TMEFF2: variants seen among roughly 807,000 people sequenced by gnomAD.
TMEFF2 encodes transmembrane protein with EGF like and two follistatin like domains 2.
TMEFF2 carries 28 observed loss-of-function variants against 53.8 expected under a neutral mutation model. That is an observed-to-expected ratio of 0.52 (90% CI 0.39 to 0.71). The LOEUF is 0.71. Among genes scored for constraint, TMEFF2 ranks in the 30% least tolerant of loss-of-function variants. The pLI, the probability that TMEFF2 is intolerant of heterozygous loss-of-function variation, is 0.00. For synonymous variants in TMEFF2, 162 were observed against 166.3 expected (o/e 0.97, Z 0.20); for missense variants, 353 against 455.2 (o/e 0.78, Z 2.04).
chr2:192,116,956 T>C (rs1360291671), intron 4 of TMEFF2, among the ~76,000 whole-genome samples: 2 of 152,064 alleles, frequency 1.3e-5, no homozygotes, highest in African/African-American at 4.8e-5. Flanking sequence ...CTTATTTATA[T>C]AGCTATTTTT....
chr2:191,965,178 A>G (rs534983918), intron 7 of TMEFF2, among the ~76,000 whole-genome samples: 35 of 152,178 alleles, frequency 2.3e-4, no homozygotes, highest in African/African-American at 7.7e-4. Context: ...ATGGAGTTTC[A>G]TATCTATATA....
rs111786296 is a variant in TMEFF2, at chr2:192,102,939, A to ATT, written c.440-45166_440-45165dup. ...GTAGTTGATCCCTAAAATGAAACTC[A>ATT]TTTTTTTTTTCTATGAGCATTCCGT... is the stretch of plus-strand genomic sequence containing the variant. On this transcript the variant is annotated intron_variant, in intron 4 of 9. Coordinates refer to ENST00000272771, the MANE Select transcript of TMEFF2 (RefSeq NM_016192.4). 3.4e-3 allele frequency among the ~76,000 whole-genome samples: 509 copies of ATT among 148,168 alleles called. 2 individuals are homozygous for ATT. The highest frequency in any genetic ancestry group is 0.011 in the African/African-American group (460 of 40,372).
At chr2:192,112,574 G>A (rs1226487966) in intron 4 of TMEFF2, among the ~76,000 whole-genome samples, 1 of 152,174 alleles carries the variant, frequency 6.6e-6, no homozygotes, top group African/African-American at 2.4e-5. Flanking sequence ...CTGGGCTTCT[G>A]AGTTAATGCT....
intron 4 of TMEFF2, among the ~76,000 whole-genome samples, chr2:192,078,915 C>G (rs999929566): frequency 6.6e-6 from 1 of 152,178 alleles, no homozygotes; most frequent in Non-Finnish European, 1.5e-5. Flanking sequence ...TCTATTCCTA[C>G]TAATGGGATA....
At chr2:192,069,980 GTGTGTGTGTATATATATATATA>G (rs1198983252) in intron 4 of TMEFF2, among the ~76,000 whole-genome samples, 7 of 8,200 alleles carry the variant, frequency 8.5e-4, no homozygotes, top group Non-Finnish European at 1.5e-3. Context: ...GTGTGTGTGT[GTGTGTGTGTATATATATATATA>G]TATATATATA....
intron 4 of TMEFF2, among the ~76,000 whole-genome samples, chr2:192,170,833 G>A (rs1330912452): frequency 2.0e-5 from 3 of 152,042 alleles, no homozygotes; most frequent in Admixed American, 6.6e-5. Context: ...TTGACTCATT[G>A]AGCCAGGATG....
intron 5 of TMEFF2, among the ~76,000 whole-genome samples, chr2:192,011,119 A>G (rs1174949620): frequency 6.6e-6 from 1 of 152,178 alleles, no homozygotes; most frequent in Admixed American, 6.5e-5. Context: ...AGATTAAGTG[A>G]CTATAGCTAC....
chr2:192,176,686 T>C (rs1265483223), intron 4 of TMEFF2: 1 of 151,218 alleles, frequency 6.6e-6, no homozygotes, highest in East Asian at 1.9e-4. Context: ...AAAACCTTTA[T>C]GTCCCTTTTA....
chr2:192,050,173 T>C (rs2105895543), intron 5 of TMEFF2, among the ~76,000 whole-genome samples: 1 of 152,366 alleles, frequency 6.6e-6, no homozygotes, highest in Non-Finnish European at 1.5e-5. Flanking sequence ...CTGCATGGCC[T>C]AATAAATATT....
At chr2:192,183,301 T>G (rs1463398454) in intron 3 of TMEFF2, among the ~76,000 whole-genome samples, 2 of 152,028 alleles carry the variant, frequency 1.3e-5, no homozygotes, top group Non-Finnish European at 2.9e-5. Flanking sequence ...TAAGATAATC[T>G]TTTAAAGAAT....
At chr2:191,975,541 T>TG (rs1307670112) in intron 7 of TMEFF2, among the ~76,000 whole-genome samples, 1 of 151,872 alleles carries the variant, frequency 6.6e-6, no homozygotes, top group Non-Finnish European at 1.5e-5. Flanking sequence ...GGCAATTTTT[T>TG]TCTATCATAA....
At chr2:192,096,999 T>C (rs985211333) in intron 4 of TMEFF2, among the ~76,000 whole-genome samples, 1 of 152,148 alleles carries the variant, frequency 6.6e-6, no homozygotes, top group Non-Finnish European at 1.5e-5. Context: ...TTTCTTAGTA[T>C]TTAATGTGCT....
intron 7 of TMEFF2, among the ~76,000 whole-genome samples, chr2:191,968,903 GT>G: frequency 6.6e-6 from 1 of 152,064 alleles, no homozygotes; most frequent in East Asian, 1.9e-4. Context: ...AATAAATTGA[GT>G]TTTTGGTAAA....
At chr2:192,076,509 A>G (rs1437087618) in intron 4 of TMEFF2, among the ~76,000 whole-genome samples, 1 of 152,188 alleles carries the variant, frequency 6.6e-6, no homozygotes, top group Non-Finnish European at 1.5e-5. Context: ...ACCAACACTT[A>G]CTAAACACGT....
chr2:192,010,418 T>C (rs13025214), intron 5 of TMEFF2, among the ~76,000 whole-genome samples: 60,437 of 152,014 alleles, frequency 0.4, 12,049 homozygotes, highest in African/African-American at 0.41. Context: ...ATATTAAGCT[T>C]TAAAAAGTAA....
chr2:192,023,881 C>T (rs1686913555), intron 5 of TMEFF2, among the ~76,000 whole-genome samples: 1 of 152,092 alleles, frequency 6.6e-6, no homozygotes, highest in Non-Finnish European at 1.5e-5. Context: ...TAGCAACTTT[C>T]ATTGAGTAAA....
chr2:192,108,639 A>G (rs549251145), intron 4 of TMEFF2, among the ~76,000 whole-genome samples: 2 of 151,982 alleles, frequency 1.3e-5, no homozygotes, highest in African/African-American at 4.8e-5. Flanking sequence ...AAAGAGTTTG[A>G]TGGTTCCTCA....
At chr2:191,956,421 G>T (rs752281876) in intron 7 of TMEFF2, 43 bp from the exon 8 acceptor site, 34 of 1,594,044 alleles carry the variant, frequency 2.1e-5, no homozygotes, top group Non-Finnish European at 2.8e-5. Context: ...TAAATACTTA[G>T]CCTGGTAAGA....
intron 5 of TMEFF2, 64 bp downstream of exon 5, chr2:192,057,615 T>C: frequency 2.3e-6 from 3 of 1,313,028 alleles, no homozygotes; most frequent in Non-Finnish European, 3.3e-6. Context: ...GAATGGTTGA[T>C]GGTGTTAAAA....
Sources: gnomAD v4.1 joint callset for allele counts (sites outside exome capture counted in the v4.1 genomes callset) on GRCh38, gnomAD v4.1.1 for gene constraint, MANE v1.5 for transcripts, NCBI Gene and HGNC (gene_info 2026-07-23, HGNC 2026-07-21) for gene names.